Variants in NMNAT2 observed in about 807,000 individuals in gnomAD.
NMNAT2 encodes the protein nicotinamide/nicotinic acid mononucleotide adenylyltransferase 2.
A neutral mutation model predicts 41.6 loss-of-function variants in NMNAT2; 11 were observed. That is an observed-to-expected ratio of 0.26 (90% CI 0.17 to 0.44). NMNAT2 has a LOEUF of 0.44. NMNAT2 is among the 20% of genes least tolerant of loss of function. The pLI is 1.00. For missense variants in NMNAT2, 288 were observed against 407.7 expected (o/e 0.71, Z 2.53); for synonymous variants, 148 against 151.2 (o/e 0.98, Z 0.16).
At position 183,275,923 on chromosome 1, in the gene NMNAT2, C is replaced by T. The variant is rs182506698; in HGVS notation, c.651+2630G>A. ...TCCTGACCTCGTGATCCATCTGCCTCGGCCTCCCAAAGTGCTGGGATTACA... is the reference window on the plus strand; with the variant it reads ...TCCTGACCTCGTGATCCATCTGCCTTGGCCTCCCAAAGTGCTGGGATTACA... On this transcript the variant is annotated intron_variant, in intron 8 of 10. Coordinates refer to ENST00000287713, the MANE Select transcript of NMNAT2 (RefSeq NM_015039.4). Among the ~76,000 whole-genome samples, 407 of 152,286 alleles carry T rather than the reference C, an allele frequency of 2.7e-3. 1 individual carries two copies. The highest frequency in any genetic ancestry group is 4.6e-3 in the Admixed American group (70 of 15,302).
At chr1:183,356,873 G>A (rs572491400) in intron 1 of NMNAT2, among the ~76,000 whole-genome samples, 13 of 152,254 alleles carry the variant, frequency 8.5e-5, no homozygotes, top group Middle Eastern at 3.4e-3. Flanking sequence ...CAGGTCTACC[G>A]TTAGAATTCA....
rs1278954505 is a variant in NMNAT2 at position 183,248,854 on chromosome 1, T to G, written c.*3787A>C. 1 of 151,952 alleles carries G rather than the reference T, an allele frequency of 6.6e-6. No homozygotes were observed. The allele number at this position is 151,952 out of a possible 1,614,324, so 9.4% of individuals were successfully genotyped here. On this transcript the variant is annotated 3_prime_UTR_variant, in exon 11 of 11. Coordinates refer to ENST00000287713, the MANE Select transcript of NMNAT2 (RefSeq NM_015039.4). ...TGCATTACTGTTTGGATGAGTAAAA[T>G]GTAATAACATGCTTCTCTCTCTTAG... is the stretch of plus-strand genomic sequence containing the variant.
At chr1:183,280,545 A>G (rs1447835487) in intron 7 of NMNAT2, among the ~76,000 whole-genome samples, 3 of 151,504 alleles carry the variant, frequency 2.0e-5, no homozygotes, top group Non-Finnish European at 4.4e-5. Context: ...CTGCCACCAC[A>G]CCTGGCTAAT....
chr1:183,358,719 A>G (rs1418791206), intron 1 of NMNAT2, among the ~76,000 whole-genome samples: 1 of 152,156 alleles, frequency 6.6e-6, no homozygotes, highest in Non-Finnish European at 1.5e-5. Context: ...AGTTTCCTAA[A>G]CATACTGAGT....
chr1:183,284,102 T>A, intron 6 of NMNAT2, 63 bp from the exon 7 acceptor site: 2 of 1,424,540 alleles, frequency 1.4e-6, no homozygotes, highest in Non-Finnish European at 1.9e-6. Context: ...CAACACACAG[T>A]CTGCCTGAGG....
At chr1:183,326,865 G>A (rs1662476553) in intron 1 of NMNAT2, among the ~76,000 whole-genome samples, 1 of 152,082 alleles carries the variant, frequency 6.6e-6, no homozygotes, top group Non-Finnish European at 1.5e-5. Flanking sequence ...TTGACTCTGA[G>A]GGTTAAAGAA....
intron 1 of NMNAT2, among the ~76,000 whole-genome samples, chr1:183,294,007 C>T (rs1163597987): frequency 1.3e-5 from 2 of 152,144 alleles, no homozygotes; most frequent in Non-Finnish European, 2.9e-5. Flanking sequence ...ATTTAGAACT[C>T]AAGGAGATTC....
intron 1 of NMNAT2, among the ~76,000 whole-genome samples, chr1:183,333,583 A>C (rs1224856541): frequency 1.3e-5 from 2 of 152,152 alleles, no homozygotes; most frequent in Admixed American, 6.5e-5. Context: ...CAGGAAACAG[A>C]TTCTCCCCTA....
chr1:183,386,729 T>G lies in NMNAT2; in HGVS notation c.85+31454A>C, dbSNP rs182048915. ...TCAACATTTTGCACAAAATAAAAAA[T>G]TATTTAACAATTACAAAAGCAGTAT... On this transcript the variant is annotated intron_variant, in intron 1 of 10. Transcript: ENST00000287713. 1.9e-3 allele frequency among the ~76,000 whole-genome samples: 289 copies of G among 152,262 alleles called. 1 individual carries two copies. Among genetic ancestry groups the G allele is most frequent in the African/African-American group, 5.6e-3 (231 of 41,578 alleles).
intron 1 of NMNAT2, among the ~76,000 whole-genome samples, chr1:183,357,563 T>C (rs1663222989): frequency 6.6e-6 from 1 of 152,164 alleles, no homozygotes; most frequent in East Asian, 1.9e-4. Flanking sequence ...ATCTCATCTT[T>C]GAGGAATCGC....
intron 8 of NMNAT2, among the ~76,000 whole-genome samples, chr1:183,265,579 A>G (rs947365689): frequency 6.6e-6 from 1 of 152,112 alleles, no homozygotes; most frequent in African/African-American, 2.4e-5. Flanking sequence ...TTCTCTTCTT[A>G]TAATTGCTCA....
At chr1:183,368,068 T>C (rs1663452112) in intron 1 of NMNAT2, among the ~76,000 whole-genome samples, 1 of 152,240 alleles carries the variant, frequency 6.6e-6, no homozygotes, top group East Asian at 1.9e-4. Context: ...GTGTTTTGTA[T>C]CTCTTTGTTT....
chr1:183,327,521 G>A (rs1662495310), intron 1 of NMNAT2, among the ~76,000 whole-genome samples: 2 of 152,234 alleles, frequency 1.3e-5, no homozygotes, highest in Admixed American at 1.3e-4. Flanking sequence ...GACAGCTCAT[G>A]TATACCAGTG....
chr1:183,407,491 G>A (rs1648990537), intron 1 of NMNAT2, among the ~76,000 whole-genome samples: 1 of 151,852 alleles, frequency 6.6e-6, no homozygotes, highest in African/African-American at 2.4e-5. Flanking sequence ...TTGAGATTCT[G>A]AATATTCCTA....
At chr1:183,297,282 T>G (rs759670847) in intron 1 of NMNAT2, among the ~76,000 whole-genome samples, 2 of 151,794 alleles carry the variant, frequency 1.3e-5, no homozygotes, top group Non-Finnish European at 2.9e-5. Flanking sequence ...ATTACGAAAG[T>G]AAAAGTGCAT....
intron 1 of NMNAT2, among the ~76,000 whole-genome samples, chr1:183,353,173 G>T (rs571580034): frequency 7.2e-5 from 11 of 152,010 alleles, no homozygotes; most frequent in Non-Finnish European, 1.3e-4. Flanking sequence ...TGCCCGGCTA[G>T]TTTTTTGTAT....
At chr1:183,283,466 G>T in intron 7 of NMNAT2, 1 of 160,144 alleles carries the variant, frequency 6.2e-6, no homozygotes, top group Non-Finnish European at 1.4e-5. Flanking sequence ...CTGTGTAACC[G>T]CCCTCCACCG....
chr1:183,252,533 G>C lies in NMNAT2; in HGVS notation c.*108C>G. 1 of 837,022 alleles carries C rather than the reference G, an allele frequency of 1.2e-6. No individual in the cohort carries two copies. The highest frequency in any genetic ancestry group is 1.4e-5 in the South Asian group (1 of 70,326). The allele number at this position is 837,022 out of a possible 1,614,324, so 51.8% of individuals were successfully genotyped here. A position where few individuals can be genotyped will look rare whatever the true frequency, so the allele number is the denominator to read the frequency against. ...ACACTATGGGGGGTTAAGTCAGCAA[G>C]TAGGGAAAACAGTCAAGACGAGGAG... On this transcript the variant is annotated 3_prime_UTR_variant, in exon 11 of 11. Coordinates refer to ENST00000287713, the MANE Select transcript of NMNAT2 (RefSeq NM_015039.4).
At chr1:183,401,875 T>C (rs559724809) in intron 1 of NMNAT2, among the ~76,000 whole-genome samples, 230 of 127,470 alleles carry the variant, frequency 1.8e-3, no homozygotes, top group Admixed American at 2.8e-3. Flanking sequence ...TGAGAACACT[T>C]GGACACAGGA....
Sources: gnomAD v4.1 joint callset for allele counts (sites outside exome capture counted in the v4.1 genomes callset) on GRCh38, gnomAD v4.1.1 for gene constraint, MANE v1.5 for transcripts, NCBI Gene and HGNC (gene_info 2026-07-23, HGNC 2026-07-21) for gene names.